Variants in ZNF184 observed in about 807,000 individuals in gnomAD.
ZNF184 encodes the protein zinc finger protein 184, also known as zinc finger protein 184 (Kruppel-like).
Under a neutral mutation model 54.4 loss-of-function variants are expected in ZNF184, and 16 were observed. That is an observed-to-expected ratio of 0.29 (90% CI 0.20 to 0.45). ZNF184 has a LOEUF of 0.45. Ranked by LOEUF, ZNF184 falls within the 20% of genes least tolerant of loss-of-function variation. ZNF184 has a pLI of 1.00. For synonymous variants in ZNF184, 254 were observed against 295.3 expected, an observed-to-expected ratio of 0.86 and a Z score of 1.43; for missense variants, 681 against 888.2, an observed-to-expected ratio of 0.77 and a Z score of 2.97.
the ZNF184 span, among the ~76,000 whole-genome samples, chr6:27,424,313 A>G: frequency 6.6e-6 from 1 of 152,222 alleles, no homozygotes; most frequent in Non-Finnish European, 1.5e-5. Flanking sequence ...AGCAGCAGCA[A>G]GATTTATTGC....
chr6:27,445,721 C>CAAAAAAAAAAAA, the ZNF184 span, among the ~76,000 whole-genome samples: 225 of 129,152 alleles, frequency 1.7e-3, 1 homozygote, highest in African/African-American at 5.3e-3. Flanking sequence ...TCTGTTATAG[C>CAAAAAAAAAAAA]AAAAAAAAAA....
intron 3 of ZNF184, among the ~76,000 whole-genome samples, chr6:27,461,926 G>T (rs1437225629): frequency 1.3e-5 from 2 of 152,210 alleles, no homozygotes; most frequent in African/African-American, 4.8e-5. Context: ...CTGTGCATGG[G>T]TGTGATGAGA....
intron 3 of ZNF184, among the ~76,000 whole-genome samples, chr6:27,460,244 G>A (rs1762963879): frequency 1.3e-5 from 2 of 152,158 alleles, no homozygotes; most frequent in South Asian, 4.1e-4. Flanking sequence ...GTGGGACTGG[G>A]TAGTGGGACC....
At position 27,472,323 on chromosome 6, in the gene ZNF184, C is replaced by T. The variant is rs1355187766; in HGVS notation, c.-29G>A. 1.1e-5 allele frequency: 17 copies of T among 1,614,034 alleles called. No homozygotes were observed. In the South Asian group the frequency reaches 1.8e-4, roughly 17 times the overall value. ...AGGAGCTCATCCCGTTCCTCTGGAACTTGAACACCAGGGTTCGCCAGGCAG... is the reference window on the plus strand; with the variant it reads ...AGGAGCTCATCCCGTTCCTCTGGAATTTGAACACCAGGGTTCGCCAGGCAG... On this transcript the variant is annotated 5_prime_UTR_variant, in exon 2 of 6. Transcript: ENST00000683788. The surrounding 1 kb of genome is among the most constrained non-coding windows in gnomAD (Gnocchi z 4.8).
the ZNF184 span, among the ~76,000 whole-genome samples, chr6:27,415,010 A>G: frequency 1.3e-5 from 2 of 152,218 alleles, no homozygotes; most frequent in African/African-American, 2.4e-5. Flanking sequence ...TGTTAAAAGT[A>G]TCTTCCCTTC....
At chr6:27,423,086 G>A in the ZNF184 span, among the ~76,000 whole-genome samples, 4 of 152,248 alleles carry the variant, frequency 2.6e-5, no homozygotes, top group East Asian at 7.7e-4. Flanking sequence ...TCTTTGCGCT[G>A]CCTCTTGGAT....
chr6:27,472,149 AT>A lies in ZNF184; in HGVS notation c.7+138del. ...AAACAGAATCTCTCCCTACAATGTA[AT>A]TCGGTTTCTTTGCTAATCCCTAAGC... On this transcript the variant is annotated intron_variant, in intron 2 of 5. Transcript: ENST00000683788. This position sits in a 1 kb window ranked among gnomAD's most constrained non-coding sequence, Gnocchi z 4.8. 9.2e-7 allele frequency: 1 copy of A among 1,092,104 alleles called. No homozygotes were observed. 67.7% of individuals were successfully genotyped at this position (1,092,104 alleles called of 1,614,324 possible).
chr6:27,419,212 T>C, the ZNF184 span, among the ~76,000 whole-genome samples: 2 of 152,234 alleles, frequency 1.3e-5, no homozygotes, highest in Admixed American at 1.3e-4. The surrounding 1 kb of genome is among the most constrained non-coding windows in gnomAD (Gnocchi z 4.8). Context: ...TTCAAGCTAT[T>C]CTCCTGTCTC....
At chr6:27,458,584 C>A (rs76744658) in intron 3 of ZNF184, among the ~76,000 whole-genome samples, 4 of 147,856 alleles carry the variant, frequency 2.7e-5, no homozygotes, top group African/African-American at 7.5e-5. Flanking sequence ...GTCAAAAAGA[C>A]AAAAAAAAAA....
chr6:27,442,921 C>A, the ZNF184 span, among the ~76,000 whole-genome samples: 1 of 151,332 alleles, frequency 6.6e-6, no homozygotes, highest in Non-Finnish European at 1.5e-5. Flanking sequence ...AAGAGCCCAT[C>A]ATTATGAGGT....
intron 2 of ZNF184, among the ~76,000 whole-genome samples, chr6:27,469,870 G>A (rs183213033): frequency 6.6e-6 from 1 of 152,246 alleles, no homozygotes; most frequent in Admixed American, 6.5e-5. Flanking sequence ...GGCTTGTTGG[G>A]TTGGAAGACA....
intron 5 of ZNF184, among the ~76,000 whole-genome samples, chr6:27,454,972 G>A (rs1381628230): frequency 3.3e-5 from 5 of 152,134 alleles, no homozygotes. Context: ...TGAGGGTCAA[G>A]ATCATCAAGA....
the ZNF184 span, among the ~76,000 whole-genome samples, chr6:27,423,493 G>C: frequency 6.6e-6 from 1 of 151,966 alleles, no homozygotes; most frequent in Non-Finnish European, 1.5e-5. Context: ...CTAGATAAAG[G>C]TTTTCACTAT....
chr6:27,449,101 C>G (rs978370809), downstream of ZNF184, among the ~76,000 whole-genome samples: 1 of 152,194 alleles, frequency 6.6e-6, no homozygotes, highest in Non-Finnish European at 1.5e-5. Flanking sequence ...TCTCTCTTTT[C>G]TGCTTCCCTC....
chr6:27,467,955 TC>T, intron 2 of ZNF184, 35 bp from the exon 3 acceptor site: 1 of 1,507,686 alleles, frequency 6.6e-7, no homozygotes. Context: ...TGACTTCTGT[TC>T]AATTTAGCCA....
At chr6:27,424,470 C>T in the ZNF184 span, among the ~76,000 whole-genome samples, 7 of 152,116 alleles carry the variant, frequency 4.6e-5, no homozygotes, top group South Asian at 4.1e-4. Context: ...TTTGACAGGG[C>T]GCTGATTGGT....
At chr6:27,409,923 TA>T in the ZNF184 span, among the ~76,000 whole-genome samples, 1 of 152,216 alleles carries the variant, frequency 6.6e-6, no homozygotes, top group African/African-American at 2.4e-5. Context: ...TGTGCCATTT[TA>T]AAATGTTTTA....
chr6:27,469,589 C>T (rs1041683321), intron 2 of ZNF184, among the ~76,000 whole-genome samples: 3 of 151,688 alleles, frequency 2.0e-5, no homozygotes, highest in African/African-American at 7.3e-5. Context: ...TGCAGTGAGC[C>T]GAAATTATGC....
chr6:27,424,513 T>C, the ZNF184 span, among the ~76,000 whole-genome samples: 2 of 152,008 alleles, frequency 1.3e-5, no homozygotes, highest in African/African-American at 2.4e-5. Flanking sequence ...ACACAAAGGT[T>C]CTCCACCTCC....
Sources: allele counts gnomAD v4.1 joint callset (sites outside exome capture counted in the v4.1 genomes callset), GRCh38; gene constraint gnomAD v4.1.1; non-coding constraint Gnocchi (gnomAD v3.1); transcripts MANE v1.5; gene names NCBI Gene and HGNC (gene_info 2026-07-23, HGNC 2026-07-21).